The following CACNA1D variants were observed in gnomAD, a reference collection of about 807,000 sequenced individuals.
The protein encoded by CACNA1D is calcium voltage-gated channel subunit alpha1 D, also known as voltage-dependent L-type calcium channel subunit alpha-1D.
In CACNA1D, 55 loss-of-function variants were observed where a neutral mutation model predicts 257.1. That is an observed-to-expected ratio of 0.21 (90% confidence interval 0.17 to 0.27). CACNA1D has a LOEUF of 0.27. Among genes scored for constraint, CACNA1D ranks in the 10% least tolerant of loss-of-function variants. The pLI, the probability that CACNA1D is intolerant of heterozygous loss-of-function variation, is 1.00. For synonymous variants in CACNA1D, 980 were observed against 1,014.9 expected (o/e 0.97, Z 0.65); for missense variants, 1,876 against 2,784.0 (o/e 0.67, Z 7.34).
At position 53,531,842 on chromosome 3, in the gene CACNA1D, G is replaced by A. The variant is rs922871501; in HGVS notation, c.483+30122G>A. The stretch of plus-strand genomic sequence containing the variant: ...AATCTTGAGCAAATCAATCTTGCTG[G>A]TCTACTTTTTTTCTTAAAAGAACAA... On this transcript the variant is annotated intron_variant, in intron 3 of 47. Coordinates refer to ENST00000350061, the MANE Select transcript of CACNA1D (RefSeq NM_001128840.3). 6.2e-4 allele frequency among the ~76,000 whole-genome samples: 95 copies of A among 152,316 alleles called. 1 individual carries two copies. Among genetic ancestry groups the A allele is most frequent in the Middle Eastern group, 6.8e-3 (2 of 294 alleles).
intron 8 of CACNA1D, among the ~76,000 whole-genome samples, chr3:53,680,371 G>C (rs2094418509): frequency 6.6e-6 from 1 of 151,386 alleles, no homozygotes. Flanking sequence ...ATAATGTACA[G>C]AAAGACCTCT....
intron 30 of CACNA1D, chr3:53,762,739 A>G: frequency 2.6e-6 from 1 of 387,860 alleles, no homozygotes. Context: ...TTAGAAATCC[A>G]GACACAAATT....
At chr3:53,572,863 G>A (rs187320514) in intron 3 of CACNA1D, among the ~76,000 whole-genome samples, 64 of 152,246 alleles carry the variant, frequency 4.2e-4, no homozygotes, top group African/African-American at 1.3e-3. Context: ...CTCAACACCC[G>A]TTTATAGACC....
chr3:53,786,680 A>G (rs1239133458), intron 39 of CACNA1D, 142 bp from the exon 40 acceptor site: 4 of 739,180 alleles, frequency 5.4e-6, no homozygotes, highest in Non-Finnish European at 9.5e-6. Flanking sequence ...CCTGTGTTAT[A>G]TGCTGAGACC....
chr3:53,667,485 ATAAAGT>A (rs1312243127), intron 7 of CACNA1D, among the ~76,000 whole-genome samples: 1 of 152,230 alleles, frequency 6.6e-6, no homozygotes, highest in Non-Finnish European at 1.5e-5. Flanking sequence ...GAAATTAGTA[ATAAAGT>A]AGTTCTGAAA....
intron 9 of CACNA1D, among the ~76,000 whole-genome samples, chr3:53,704,189 G>T (rs1156633960): frequency 1.3e-5 from 2 of 152,136 alleles, no homozygotes; most frequent in Admixed American, 1.3e-4. Flanking sequence ...TGGGGGCTGA[G>T]AGACCCCTGG....
chr3:53,786,128 C>T (rs1452511670), intron 39 of CACNA1D: 3 of 152,944 alleles, frequency 2.0e-5, no homozygotes, highest in Non-Finnish European at 4.4e-5. Context: ...GTTCTGATTC[C>T]CCAACCATAC....
At chr3:53,764,868 C>T (rs1237500238) in intron 30 of CACNA1D, among the ~76,000 whole-genome samples, 1 of 152,226 alleles carries the variant, frequency 6.6e-6, no homozygotes, top group Non-Finnish European at 1.5e-5. Flanking sequence ...ATCACCTAGG[C>T]AGACACTCCC....
intron 45 of CACNA1D, chr3:53,807,978 C>A (rs2106875001): frequency 6.5e-6 from 1 of 153,474 alleles, no homozygotes; most frequent in East Asian, 1.9e-4. Flanking sequence ...CTGCTGGGGA[C>A]ACTTAGGGTA....
chr3:53,624,318 G>A (rs1318915529), intron 3 of CACNA1D, among the ~76,000 whole-genome samples: 1 of 152,184 alleles, frequency 6.6e-6, no homozygotes, highest in Non-Finnish European at 1.5e-5. Context: ...TTTTTGAACT[G>A]ATCTATGTAG....
At position 53,501,643 on chromosome 3, in the gene CACNA1D, AT is replaced by A; in HGVS notation, c.411del (p.Phe137LeufsTer7). The A allele has an allele frequency of 6.3e-7, 1 of 1,593,104 alleles. No homozygotes were observed. Among genetic ancestry groups the A allele is most frequent in the South Asian group, 1.1e-5 (1 of 90,672 alleles). On this transcript the variant is annotated frameshift_variant, in exon 3 of 48. Coordinates refer to ENST00000350061, the MANE Select transcript of CACNA1D (RefSeq NM_001128840.3). LOFTEE classifies it high-confidence loss of function. The stretch of plus-strand genomic sequence containing the variant: ...ATTTGACATATTTATATTATTGGCT[AT>A]TTTTGCCAATTGTGTGGCCTTAGCT... ...KPFDIFILLA[I>X]FANCVALAIY... is the part of the protein sequence containing the mutation.
chr3:53,628,204 G>A (rs73840155), intron 3 of CACNA1D, among the ~76,000 whole-genome samples: 2,317 of 152,208 alleles, frequency 0.015, 66 homozygotes, highest in African/African-American at 0.052. Flanking sequence ...AAGCACAAGT[G>A]TCAGATGCAG....
At chr3:53,743,339 G>A (rs1228963977) in intron 22 of CACNA1D, among the ~76,000 whole-genome samples, 1 of 152,088 alleles carries the variant, frequency 6.6e-6, no homozygotes, top group Non-Finnish European at 1.5e-5. Context: ...GCTTATTACT[G>A]TCTGTGAAAT....
At chr3:53,682,415 G>A (rs2094441352) in intron 8 of CACNA1D, among the ~76,000 whole-genome samples, 1 of 133,200 alleles carries the variant, frequency 7.5e-6, no homozygotes, top group Admixed American at 8.2e-5. Context: ...TTTTTAGCTG[G>A]GCAATGTGGT....
intron 30 of CACNA1D, among the ~76,000 whole-genome samples, chr3:53,767,486 T>C (rs1220612833): frequency 6.6e-6 from 1 of 150,522 alleles, no homozygotes; most frequent in Non-Finnish European, 1.5e-5. Context: ...GAATTGCTGA[T>C]ATCCTGTAGG....
intron 3 of CACNA1D, among the ~76,000 whole-genome samples, chr3:53,586,565 G>A (rs1036804309): frequency 5.3e-4 from 80 of 152,158 alleles, no homozygotes; most frequent in African/African-American, 1.8e-3. Context: ...TATTTACAGG[G>A]ACTGGAGATT....
At chr3:53,682,639 A>T (rs2094443634) in intron 8 of CACNA1D, among the ~76,000 whole-genome samples, 1 of 152,102 alleles carries the variant, frequency 6.6e-6, no homozygotes, top group African/African-American at 2.4e-5. Context: ...TGTTCATTGT[A>T]TAATTGTTTC....
chr3:53,786,632 T>C (rs939757680), intron 39 of CACNA1D, 190 bp from the exon 40 acceptor site: 3 of 603,980 alleles, frequency 5.0e-6, no homozygotes, highest in African/African-American at 3.7e-5. Flanking sequence ...TGAGCCTTAG[T>C]TGCTTTGCAA....
intron 44 of CACNA1D, among the ~76,000 whole-genome samples, chr3:53,804,000 C>T (rs2095549320): frequency 6.6e-6 from 1 of 152,128 alleles, no homozygotes; most frequent in South Asian, 2.1e-4. Flanking sequence ...GCACCTGCCT[C>T]CTGCCACTTC....
Sources: allele counts gnomAD v4.1 joint callset (sites outside exome capture counted in the v4.1 genomes callset), GRCh38; gene constraint gnomAD v4.1.1; transcripts MANE v1.5; gene names NCBI Gene and HGNC (gene_info 2026-07-23, HGNC 2026-07-21).